The following DPP10 variants were observed in gnomAD, a reference collection of about 807,000 sequenced individuals.
DPP10 encodes dipeptidyl peptidase like 10.
DPP10 carries 33 observed loss-of-function variants against 120.9 expected under a neutral mutation model. The observed-to-expected ratio is 0.27, with a 90% CI of 0.21 to 0.37. DPP10 has a LOEUF of 0.37. DPP10 is among the 10% of genes least tolerant of loss of function. The pLI is 1.00. For missense variants in DPP10, 816 were observed against 942.8 expected (o/e 0.87, Z 1.76); for synonymous variants, 337 against 326.1 (o/e 1.03, Z -0.36).
At position 114,756,529 on chromosome 2, in the gene DPP10, C is replaced by A. The variant is rs557396496; in HGVS notation, c.60+313691C>A. Among the ~76,000 whole-genome samples, 6 of 152,324 alleles carry A rather than the reference C, an allele frequency of 3.9e-5. No individual in the cohort carries two copies. In the East Asian group the frequency reaches 9.7e-4, roughly 25 times the overall value. On this transcript the variant is annotated intron_variant, in intron 1 of 25. Coordinates refer to ENST00000410059, the MANE Select transcript of DPP10 (RefSeq NM_020868.6). ...ATCCGAATGCTTCTAAAATAATGAACAATTAAAAGTAATTTCACACTGGTT... is the reference window on the plus strand; with the variant it reads ...ATCCGAATGCTTCTAAAATAATGAAAAATTAAAAGTAATTTCACACTGGTT...
chr2:114,509,353 A>T (rs990085910), intron 1 of DPP10, among the ~76,000 whole-genome samples: 1 of 152,240 alleles, frequency 6.6e-6, no homozygotes, highest in African/African-American at 2.4e-5. Context: ...TAATTCTATT[A>T]ATCCTTTCTT....
rs137879930 is a variant in DPP10, at chr2:114,560,772, C to T, written c.60+117934C>T. 5.8e-4 allele frequency among the ~76,000 whole-genome samples: 89 copies of T among 152,310 alleles called. 1 individual carries two copies. Among genetic ancestry groups the T allele is most frequent in the Middle Eastern group, 3.4e-3 (1 of 292 alleles). On this transcript the variant is annotated intron_variant, in intron 1 of 25. Transcript: ENST00000410059. ...AGAAAAGAATATGTGCCATACTGTGCTAATGCAGGCTCTTCTATCATGCCT... is the reference window on the plus strand; with the variant it reads ...AGAAAAGAATATGTGCCATACTGTGTTAATGCAGGCTCTTCTATCATGCCT...
chr2:114,569,879 TATTA>T (rs569678718), intron 1 of DPP10, among the ~76,000 whole-genome samples: 14 of 152,342 alleles, frequency 9.2e-5, no homozygotes, highest in African/African-American at 2.4e-4. Context: ...ATCAATTATT[TATTA>T]ATTATCTATG....
chr2:114,945,259 CT>C (rs1210238274), intron 1 of DPP10, among the ~76,000 whole-genome samples: 1 of 152,122 alleles, frequency 6.6e-6, no homozygotes, highest in East Asian at 1.9e-4. Flanking sequence ...AAAGTAAAAG[CT>C]TCTGCTCTCT....
chr2:115,067,236 C>CT (rs578110916), intron 1 of DPP10, among the ~76,000 whole-genome samples: 3 of 151,566 alleles, frequency 2.0e-5, no homozygotes, highest in Non-Finnish European at 2.9e-5. Context: ...ACAGAATGTC[C>CT]TTTTTTTTGT....
Position 115,531,445 on chromosome 2 carries a change from T to G in DPP10, c.441+5473T>G, listed in dbSNP as rs897366037. ...GACAAAGATTAATAGAAAATATCAT[T>G]TAAGAGCAATGATCTACCCTGTTTT... On this transcript the variant is annotated intron_variant, in intron 5 of 25. Transcript: ENST00000410059. Among the ~76,000 whole-genome samples, 5 of 152,066 alleles carry G rather than the reference T, an allele frequency of 3.3e-5. 1 individual carries two copies. The highest frequency in any genetic ancestry group is 1.3e-4 in the Admixed American group (2 of 15,224).
intron 1 of DPP10, among the ~76,000 whole-genome samples, chr2:114,904,893 T>C (rs866697835): frequency 1.3e-5 from 2 of 152,260 alleles, no homozygotes; most frequent in Middle Eastern, 3.4e-3. Flanking sequence ...AGCAGAGCCT[T>C]GGCAGCAGGT....
chr2:114,910,802 A>C (rs766638596), intron 1 of DPP10, among the ~76,000 whole-genome samples: 5 of 152,164 alleles, frequency 3.3e-5, no homozygotes, highest in Admixed American at 1.3e-4. Context: ...ACTATTTGGA[A>C]TATAGGGTTT....
intron 1 of DPP10, among the ~76,000 whole-genome samples, chr2:114,918,827 A>G (rs1461758960): frequency 6.6e-6 from 1 of 152,140 alleles, no homozygotes; most frequent in African/African-American, 2.4e-5. Flanking sequence ...TGAGGACCGT[A>G]AAACTACCTA....
chr2:114,855,591 T>TGC (rs1446782339), intron 1 of DPP10, among the ~76,000 whole-genome samples: 1 of 152,176 alleles, frequency 6.6e-6, no homozygotes, highest in African/African-American at 2.4e-5. Flanking sequence ...AATGTGTGTG[T>TGC]GCGTTCTTCA....
At chr2:114,975,710 G>T (rs560558794) in intron 1 of DPP10, among the ~76,000 whole-genome samples, 72 of 152,104 alleles carry the variant, frequency 4.7e-4, no homozygotes, top group African/African-American at 1.5e-3. Flanking sequence ...GAGTGCAGTG[G>T]TGCAATCTCA....
At chr2:115,356,192 G>A (rs1302467081) in intron 3 of DPP10, among the ~76,000 whole-genome samples, 1 of 152,120 alleles carries the variant, frequency 6.6e-6, no homozygotes, top group Non-Finnish European at 1.5e-5. Context: ...CCATGAGCAT[G>A]GAATGTTTTC....
rs889223048 is a variant in DPP10, at chr2:114,793,142, T to C, written c.60+350304T>C. ...TTGACAGATTCCCTTAATTTTTTTA[T>C]GTTATTTGATTTTTTAAAATTATAC... is the stretch of plus-strand genomic sequence containing the variant. On this transcript the variant is annotated intron_variant, in intron 1 of 25. Coordinates refer to ENST00000410059, the MANE Select transcript of DPP10 (RefSeq NM_020868.6). Among the ~76,000 whole-genome samples the C allele has an allele frequency of 2.0e-5, 3 of 152,106 alleles. No homozygotes were observed. The South Asian group carries it at 6.2e-4, about 32-fold the overall frequency.
chr2:114,759,975 T>C (rs1405297657), intron 1 of DPP10, among the ~76,000 whole-genome samples: 1 of 152,210 alleles, frequency 6.6e-6, no homozygotes, highest in Non-Finnish European at 1.5e-5. Context: ...ATTGATATTT[T>C]AGCTTCAATA....
At chr2:115,679,194 TG>T (rs58779973) in intron 5 of DPP10, among the ~76,000 whole-genome samples, 24 of 151,064 alleles carry the variant, frequency 1.6e-4, no homozygotes, top group Middle Eastern at 3.4e-3. Flanking sequence ...ACATGAGATG[TG>T]GGGGGGGTGC....
At chr2:114,564,851 G>C (rs141818382) in intron 1 of DPP10, among the ~76,000 whole-genome samples, 3 of 152,134 alleles carry the variant, frequency 2.0e-5, no homozygotes, top group African/African-American at 4.8e-5. Context: ...GTGGTGCACT[G>C]TTTGTTTTGT....
At chr2:115,091,542 C>T (rs1057489940) in intron 1 of DPP10, among the ~76,000 whole-genome samples, 1 of 152,098 alleles carries the variant, frequency 6.6e-6, no homozygotes, top group African/African-American at 2.4e-5. Flanking sequence ...CCCCCTCAAC[C>T]CCAACATGTG....
At chr2:114,574,673 C>T (rs1039298899) in intron 1 of DPP10, among the ~76,000 whole-genome samples, 4 of 152,190 alleles carry the variant, frequency 2.6e-5, no homozygotes, top group African/African-American at 9.7e-5. Flanking sequence ...CCAATAGCAA[C>T]CGCAACACAA....
intron 1 of DPP10, chr2:115,064,765 TCA>T: frequency 7.7e-7 from 1 of 1,304,030 alleles, no homozygotes; most frequent in Non-Finnish European, 1.0e-6. Context: ...GCAATGGTCA[TCA>T]CAGAGGTGGC....
Sources: gnomAD v4.1 joint callset for allele counts (sites outside exome capture counted in the v4.1 genomes callset) on GRCh38, gnomAD v4.1.1 for gene constraint, MANE v1.5 for transcripts, NCBI Gene and HGNC (gene_info 2026-07-23, HGNC 2026-07-21) for gene names.